Variants in PPP1R14C observed in about 807,000 individuals in gnomAD.
The protein encoded by PPP1R14C is protein phosphatase 1 regulatory inhibitor subunit 14C, also known as protein phosphatase 1 regulatory subunit 14C.
Under a neutral mutation model 20.4 loss-of-function variants are expected in PPP1R14C, and 16 were observed. The observed-to-expected ratio is 0.78, with a 90% confidence interval of 0.53 to 1.19. PPP1R14C has a LOEUF of 1.19. Ranked by LOEUF, PPP1R14C falls within the 50% of genes most tolerant of loss-of-function variation. The pLI is 0.00. For missense variants in PPP1R14C, 211 were observed against 220.1 expected, an observed-to-expected ratio of 0.96 and a Z score of 0.26; for synonymous variants, 91 against 91.0, an observed-to-expected ratio of 1.00 and a Z score of 0.00.
intron 1 of PPP1R14C, among the ~76,000 whole-genome samples, chr6:150,144,210 C>T (rs994915669): frequency 7.9e-5 from 12 of 152,180 alleles, no homozygotes; most frequent in African/African-American, 2.7e-4. Flanking sequence ...ACGGGTGCCT[C>T]GGTGGAAGGG....
chr6:150,246,514 G>C (rs1371655843), intron 3 of PPP1R14C, among the ~76,000 whole-genome samples: 2 of 152,122 alleles, frequency 1.3e-5, no homozygotes, highest in African/African-American at 4.8e-5. Flanking sequence ...TTTTATCCTA[G>C]AAAATTATTT....
At chr6:150,144,895 G>A (rs931777052) in intron 1 of PPP1R14C, among the ~76,000 whole-genome samples, 2 of 152,200 alleles carry the variant, frequency 1.3e-5, no homozygotes, top group Non-Finnish European at 2.9e-5. Context: ...GCAAAACTCT[G>A]TAAAGAAACA....
chr6:150,244,168 T>TAAAA (rs10660961), intron 3 of PPP1R14C, among the ~76,000 whole-genome samples: 2,794 of 146,938 alleles, frequency 0.019, 95 homozygotes, highest in African/African-American at 0.066. Context: ...ATAAAGCTGC[T>TAAAA]AAAAAAAAAA....
chr6:150,169,822 G>C (rs1398815175), intron 1 of PPP1R14C, among the ~76,000 whole-genome samples: 1 of 152,162 alleles, frequency 6.6e-6, no homozygotes, highest in Non-Finnish European at 1.5e-5. Context: ...TCATTTGTTG[G>C]GGGTGACTCA....
chr6:150,225,621 C>T (rs1051636332), intron 3 of PPP1R14C, among the ~76,000 whole-genome samples: 4 of 152,178 alleles, frequency 2.6e-5, no homozygotes, highest in African/African-American at 9.7e-5. Context: ...TGGCAATTTC[C>T]AAACTTCTTA....
At chr6:150,196,230 C>A (rs1777802985) in intron 1 of PPP1R14C, 1 of 598,872 alleles carries the variant, frequency 1.7e-6, no homozygotes, top group Non-Finnish European at 2.1e-6. Context: ...GGCAACTGGG[C>A]AACAATAAAT....
At chr6:150,209,335 C>T (rs775651825) in intron 1 of PPP1R14C, among the ~76,000 whole-genome samples, 9 of 152,108 alleles carry the variant, frequency 5.9e-5, no homozygotes. Context: ...CAGGGGTGAA[C>T]GTTTATATTT....
intron 1 of PPP1R14C, among the ~76,000 whole-genome samples, chr6:150,168,165 T>G (rs1777453499): frequency 8.6e-6 from 1 of 115,652 alleles, no homozygotes; most frequent in Admixed American, 8.3e-5. Context: ...TTTTTTTTTT[T>G]TTTTTGTCTT....
chr6:150,167,292 CA>C (rs1777433252), intron 1 of PPP1R14C, among the ~76,000 whole-genome samples: 1 of 151,898 alleles, frequency 6.6e-6, no homozygotes, highest in African/African-American at 2.4e-5. Context: ...TGCTTGAACC[CA>C]GGAGGCAGAG....
intron 3 of PPP1R14C, among the ~76,000 whole-genome samples, chr6:150,247,181 T>C (rs542233035): frequency 7.2e-5 from 11 of 152,150 alleles, no homozygotes; most frequent in Non-Finnish European, 1.5e-4. Context: ...GGATTATAAT[T>C]GATAAGGGAG....
At chr6:150,158,302 GA>G (rs1363127009) in intron 1 of PPP1R14C, among the ~76,000 whole-genome samples, 2 of 152,116 alleles carry the variant, frequency 1.3e-5, no homozygotes, top group African/African-American at 4.8e-5. Context: ...AGAGGCTTAT[GA>G]GATTTTTTTT....
chr6:150,198,463 G>A (rs1777836865), intron 1 of PPP1R14C, among the ~76,000 whole-genome samples: 1 of 152,278 alleles, frequency 6.6e-6, no homozygotes, highest in African/African-American at 2.4e-5. Flanking sequence ...GAGGGAGGGT[G>A]TGCATGGCTT....
At chr6:150,238,828 G>GT (rs1441756932) in intron 3 of PPP1R14C, among the ~76,000 whole-genome samples, 1 of 152,262 alleles carries the variant, frequency 6.6e-6, no homozygotes, top group Admixed American at 6.5e-5. Context: ...ATCGTAGGCA[G>GT]TGACTTGTAA....
At chr6:150,236,607 G>C (rs918421182) in intron 3 of PPP1R14C, among the ~76,000 whole-genome samples, 1 of 137,904 alleles carries the variant, frequency 7.3e-6, no homozygotes, top group Non-Finnish European at 1.6e-5. Flanking sequence ...GAGGTGGTTG[G>C]TGCCACTGTG....
intron 3 of PPP1R14C, among the ~76,000 whole-genome samples, chr6:150,231,640 G>C (rs898819739): frequency 6.6e-6 from 1 of 152,184 alleles, no homozygotes; most frequent in Non-Finnish European, 1.5e-5. Context: ...ACTATGCTAG[G>C]AAGACAAAGA....
intron 1 of PPP1R14C, among the ~76,000 whole-genome samples, chr6:150,165,948 G>T (rs974083199): frequency 2.6e-5 from 4 of 152,212 alleles, no homozygotes; most frequent in Non-Finnish European, 4.4e-5. Flanking sequence ...TAGAAAAATA[G>T]AGGAATGCAT....
intron 3 of PPP1R14C, among the ~76,000 whole-genome samples, chr6:150,239,824 G>A (rs757002865): frequency 1.4e-4 from 21 of 152,172 alleles, no homozygotes; most frequent in Non-Finnish European, 2.8e-4. Context: ...AGGCCAAGGC[G>A]GGTGGATCAC....
intron 1 of PPP1R14C, among the ~76,000 whole-genome samples, chr6:150,188,148 G>A (rs1777698881): frequency 6.6e-6 from 1 of 152,076 alleles, no homozygotes; most frequent in South Asian, 2.1e-4. Flanking sequence ...CTAATTTGTT[G>A]TTTTGTCAAA....
intron 1 of PPP1R14C, among the ~76,000 whole-genome samples, chr6:150,172,206 C>T (rs1216554470): frequency 6.6e-6 from 1 of 152,152 alleles, no homozygotes; most frequent in African/African-American, 2.4e-5. Context: ...ATGGGTAATT[C>T]ATCATTAGAC....
Sources: allele counts gnomAD v4.1 joint callset (sites outside exome capture counted in the v4.1 genomes callset), GRCh38; gene constraint gnomAD v4.1.1; transcripts MANE v1.5; gene names NCBI Gene and HGNC (gene_info 2026-07-23, HGNC 2026-07-21).